The following SLC24A2 variants were observed in gnomAD, a reference collection of about 807,000 sequenced individuals.
SLC24A2 encodes the protein sodium/potassium/calcium exchanger 2.
A neutral mutation model predicts 62.0 loss-of-function variants in SLC24A2; 36 were observed. That is an observed-to-expected ratio of 0.58 (90% CI 0.44 to 0.77). The LOEUF (loss-of-function observed/expected upper bound fraction) is 0.77. Among genes scored for constraint, SLC24A2 ranks in the 30% least tolerant of loss-of-function variants. The pLI is 0.00. For missense variants in SLC24A2, 846 were observed against 817.9 expected, an observed-to-expected ratio of 1.03 and a Z score of -0.42; for synonymous variants, 358 against 294.0, an observed-to-expected ratio of 1.22 and a Z score of -2.23.
the SLC24A2 span, among the ~76,000 whole-genome samples, chr9:19,960,034 T>G: frequency 6.0e-3 from 921 of 152,278 alleles, 4 homozygotes; most frequent in Admixed American, 7.7e-3. Flanking sequence ...TACCCTTTTC[T>G]AAATTGCAAA....
the SLC24A2 span, among the ~76,000 whole-genome samples, chr9:20,132,295 C>T: frequency 6.6e-6 from 1 of 152,002 alleles, no homozygotes; most frequent in Admixed American, 6.6e-5. Flanking sequence ...GAAAAGTTTG[C>T]TGCAAGAGTT....
the SLC24A2 span, among the ~76,000 whole-genome samples, chr9:20,223,636 A>G: frequency 6.6e-6 from 1 of 152,188 alleles, no homozygotes; most frequent in Non-Finnish European, 1.5e-5. Context: ...AGACAAATAC[A>G]TCAATGGACT....
chr9:20,275,008 G>T, the SLC24A2 span, among the ~76,000 whole-genome samples: 2 of 152,096 alleles, frequency 1.3e-5, no homozygotes, highest in African/African-American at 4.8e-5. Flanking sequence ...CAGGATTAGG[G>T]GTGGACTCCT....
intron 2 of SLC24A2, among the ~76,000 whole-genome samples, chr9:19,676,212 C>A (rs1436771647): frequency 2.6e-5 from 4 of 152,194 alleles, no homozygotes; most frequent in African/African-American, 9.7e-5. Context: ...TTCAGGCACT[C>A]ACAGTTTTTT....
At chr9:19,907,160 G>C in the SLC24A2 span, among the ~76,000 whole-genome samples, 3 of 152,188 alleles carry the variant, frequency 2.0e-5, no homozygotes, top group African/African-American at 4.8e-5. Flanking sequence ...TGGGATGCAA[G>C]GCTGGTTCAA....
chr9:19,990,467 C>CGGGCATG, the SLC24A2 span, among the ~76,000 whole-genome samples: 1 of 151,636 alleles, frequency 6.6e-6, no homozygotes, highest in Non-Finnish European at 1.5e-5. Flanking sequence ...AAAAATTAGC[C>CGGGCATG]GGGCATGGTG....
chr9:19,833,204 C>T, the SLC24A2 span, among the ~76,000 whole-genome samples: 1 of 152,192 alleles, frequency 6.6e-6, no homozygotes, highest in African/African-American at 2.4e-5. Flanking sequence ...GGGTTCATCT[C>T]ACTGGGGAGT....
chr9:19,708,557 G>A (rs1820608074), intron 2 of SLC24A2, among the ~76,000 whole-genome samples: 1 of 152,276 alleles, frequency 6.6e-6, no homozygotes, highest in East Asian at 1.9e-4. Flanking sequence ...CCAAAACAGA[G>A]ATATAGACCA....
the SLC24A2 span, among the ~76,000 whole-genome samples, chr9:19,849,329 C>T: frequency 1.3e-5 from 2 of 152,078 alleles, no homozygotes; most frequent in East Asian, 1.9e-4. Context: ...TGTGAAATGT[C>T]TCTGATAATG....
At chr9:20,048,012 C>A in the SLC24A2 span, among the ~76,000 whole-genome samples, 2 of 152,098 alleles carry the variant, frequency 1.3e-5, no homozygotes, top group African/African-American at 4.8e-5. Context: ...GATCACATGG[C>A]ATATACACAT....
the SLC24A2 span, among the ~76,000 whole-genome samples, chr9:20,149,184 C>T: frequency 6.6e-6 from 1 of 151,952 alleles, no homozygotes; most frequent in Non-Finnish European, 1.5e-5. Flanking sequence ...CTTCCAACTG[C>T]AATATCCAAC....
chr9:19,871,064 T>C, the SLC24A2 span, among the ~76,000 whole-genome samples: 1 of 152,084 alleles, frequency 6.6e-6, no homozygotes. Context: ...AAGAAACTAA[T>C]CCAAGGTCAG....
the SLC24A2 span, among the ~76,000 whole-genome samples, chr9:20,145,600 T>G: frequency 6.9e-6 from 1 of 144,622 alleles, no homozygotes; most frequent in South Asian, 2.3e-4. Flanking sequence ...CCATCACATG[T>G]ATGTGTGTGT....
the SLC24A2 span, among the ~76,000 whole-genome samples, chr9:19,933,056 C>T: frequency 1.4e-4 from 21 of 152,256 alleles, no homozygotes; most frequent in East Asian, 3.7e-3. Context: ...GTGGGGGCTG[C>T]GGGGAGGATG....
At chr9:19,788,599 G>C in intron 1 of SLC24A2, 1 of 985,470 alleles carries the variant, frequency 1.0e-6, no homozygotes, top group Non-Finnish European at 1.2e-6. Flanking sequence ...TCGTTTGTAG[G>C]TGGCTGGGGA....
At chr9:19,981,797 C>T in the SLC24A2 span, among the ~76,000 whole-genome samples, 8 of 152,258 alleles carry the variant, frequency 5.3e-5, no homozygotes, top group East Asian at 1.5e-3. Context: ...GGCAATCCAA[C>T]TGAACAGAAC....
the SLC24A2 span, among the ~76,000 whole-genome samples, chr9:19,890,538 G>A: frequency 1.3e-5 from 2 of 152,086 alleles, no homozygotes; most frequent in Non-Finnish European, 1.5e-5. Flanking sequence ...CATATTTATT[G>A]GTTGGGTTTT....
intron 2 of SLC24A2, among the ~76,000 whole-genome samples, chr9:19,677,192 A>G (rs79710288): frequency 0.032 from 4,902 of 152,330 alleles, 290 homozygotes; most frequent in African/African-American, 0.11. Flanking sequence ...ATACCCACCT[A>G]TGGTAGACTG....
chr9:19,917,892 G>A, the SLC24A2 span, among the ~76,000 whole-genome samples: 1 of 152,040 alleles, frequency 6.6e-6, no homozygotes, highest in East Asian at 1.9e-4. Flanking sequence ...TATTATATAA[G>A]TGTGGACAAA....
Sources: allele counts gnomAD v4.1 joint callset (sites outside exome capture counted in the v4.1 genomes callset), GRCh38; gene constraint gnomAD v4.1.1; transcripts MANE v1.5; gene names NCBI Gene and HGNC (gene_info 2026-07-23, HGNC 2026-07-21).